Variants in ERC1 observed in about 807,000 individuals in gnomAD.
ERC1 encodes the protein RAB6 interacting protein 2.
Under a neutral mutation model 132.0 loss-of-function variants are expected in ERC1, and 56 were observed. The observed-to-expected ratio is 0.42, with a 90% CI of 0.34 to 0.53. The LOEUF (loss-of-function observed/expected upper bound fraction) is 0.53, where lower values mean the gene tolerates loss of function less well. Among genes scored for constraint, ERC1 ranks in the 20% least tolerant of loss-of-function variants. The pLI is 0.03. For missense variants in ERC1, 1,202 were observed against 1,349.9 expected, an observed-to-expected ratio of 0.89 and a Z score of 1.72; for synonymous variants, 478 against 476.1, an observed-to-expected ratio of 1.00 and a Z score of -0.05.
At chr12:1,202,670 AAG>A (rs1215850797) in intron 12 of ERC1, among the ~76,000 whole-genome samples, 2 of 152,116 alleles carry the variant, frequency 1.3e-5, no homozygotes, top group Non-Finnish European at 2.9e-5. Flanking sequence ...AGGAAAAAAA[AAG>A]AGTTGTAATT....
At chr12:1,487,535 C>A (rs530748951) in intron 18 of ERC1, among the ~76,000 whole-genome samples, 1 of 46,102 alleles carries the variant, frequency 2.2e-5, no homozygotes, top group Admixed American at 1.8e-4. Flanking sequence ...TTAGACCGCA[C>A]CTCTAAAAAA....
chr12:1,036,374 C>CTTT (rs759834824), intron 2 of ERC1, among the ~76,000 whole-genome samples: 2 of 136,192 alleles, frequency 1.5e-5, no homozygotes, highest in African/African-American at 2.7e-5. Flanking sequence ...ATTAAATAAA[C>CTTT]TTTTTTTTTT....
At chr12:1,105,402 G>GT in intron 4 of ERC1, among the ~76,000 whole-genome samples, 1 of 151,786 alleles carries the variant, frequency 6.6e-6, no homozygotes, top group East Asian at 1.9e-4. Flanking sequence ...CTGTCGCCTA[G>GT]GCTGGAGTGC....
At chr12:1,402,311 C>T (rs1054697008) in intron 16 of ERC1, among the ~76,000 whole-genome samples, 5 of 152,156 alleles carry the variant, frequency 3.3e-5, no homozygotes, top group African/African-American at 1.2e-4. Flanking sequence ...AGGTGGATCA[C>T]TTGAGGTCAG....
chr12:1,043,828 G>A (rs1474899649), intron 2 of ERC1, among the ~76,000 whole-genome samples: 1 of 117,910 alleles, frequency 8.5e-6, no homozygotes, highest in Non-Finnish European at 2.1e-5. Context: ...CACTTCAACA[G>A]CAACATTGCA....
chr12:1,182,062 A>G lies in ERC1; in HGVS notation c.2013A>G (p.Lys671=), dbSNP rs1181633665. The change falls in exon 10 of 19, where the codon AAA becomes AAG. Residue 671 remains lysine, a synonymous_variant. Coordinates refer to ENST00000360905, the MANE Select transcript of ERC1 (RefSeq NM_178040.4). Reference sequence around the variant, plus strand: ...TGTTGCAAGGCGACCTTTCAGAGAAAGAGGTTAAGCTCCCCAAAATGGAAT... The same window carrying G: ...TGTTGCAAGGCGACCTTTCAGAGAAGGAGGTTAAGCTCCCCAAAATGGAAT... ...VSLLQGDLSE[K]EASLLDLKEH... The G allele has an allele frequency of 6.2e-7, 1 of 1,613,924 alleles. No homozygotes were observed. Among genetic ancestry groups the G allele is most frequent in the Non-Finnish European group, 8.5e-7 (1 of 1,179,864 alleles).
chr12:1,431,551 C>T (rs1031920416), intron 17 of ERC1, among the ~76,000 whole-genome samples: 1 of 152,106 alleles, frequency 6.6e-6, no homozygotes, highest in African/African-American at 2.4e-5. Flanking sequence ...ATCACTTTTT[C>T]ATATTTAAAT....
At chr12:1,274,539 C>T (rs1163217126) in intron 14 of ERC1, among the ~76,000 whole-genome samples, 1 of 151,508 alleles carries the variant, frequency 6.6e-6, no homozygotes, top group Non-Finnish European at 1.5e-5. Flanking sequence ...GTTGCCCAGG[C>T]TGGAGTGCAG....
chr12:1,118,552 A>T (rs1255618983), intron 7 of ERC1, among the ~76,000 whole-genome samples: 1 of 152,258 alleles, frequency 6.6e-6, no homozygotes, highest in African/African-American at 2.4e-5. Flanking sequence ...GAACCATCTC[A>T]TCATAAAAGA....
chr12:1,211,188 G>A (rs2154290513), intron 12 of ERC1, among the ~76,000 whole-genome samples: 1 of 151,936 alleles, frequency 6.6e-6, no homozygotes, highest in Non-Finnish European at 1.5e-5. Context: ...CGCTCTTATT[G>A]CCCAGACTGG....
chr12:1,049,986 G>A (rs1013109993), intron 2 of ERC1, among the ~76,000 whole-genome samples: 4 of 151,886 alleles, frequency 2.6e-5, no homozygotes, highest in Non-Finnish European at 5.9e-5. Context: ...CAGGTGATCC[G>A]CCCGCCTCGG....
At chr12:1,079,212 C>G (rs1941838726) in intron 2 of ERC1, among the ~76,000 whole-genome samples, 1 of 148,820 alleles carries the variant, frequency 6.7e-6, no homozygotes. Flanking sequence ...TACAGAGATA[C>G]AGATAGAAAT....
intron 16 of ERC1, among the ~76,000 whole-genome samples, chr12:1,405,948 A>G (rs925219452): frequency 6.6e-6 from 1 of 152,204 alleles, no homozygotes; most frequent in Non-Finnish European, 1.5e-5. Flanking sequence ...ATACATATGT[A>G]TATATACACA....
At chr12:1,272,511 A>G (rs2077934923) in intron 14 of ERC1, among the ~76,000 whole-genome samples, 1 of 152,224 alleles carries the variant, frequency 6.6e-6, no homozygotes, top group Admixed American at 6.5e-5. Flanking sequence ...ATCAACTGAG[A>G]ATAACACAGT....
intron 2 of ERC1, among the ~76,000 whole-genome samples, chr12:1,033,604 C>T (rs1244648557): frequency 6.6e-6 from 1 of 152,048 alleles, no homozygotes; most frequent in Admixed American, 6.6e-5. Context: ...GCCAGGATTA[C>T]AGGCGTGTGC....
intron 8 of ERC1, among the ~76,000 whole-genome samples, chr12:1,174,182 C>G (rs372098997): frequency 2.0e-5 from 3 of 152,260 alleles, no homozygotes; most frequent in South Asian, 4.1e-4. Context: ...CCTCCCACCC[C>G]CTGCGTGTTT....
At chr12:1,478,800 G>A (rs28888129) in intron 18 of ERC1, among the ~76,000 whole-genome samples, 65,359 of 148,452 alleles carry the variant, frequency 0.44, 16,543 homozygotes, top group African/African-American at 0.71. Flanking sequence ...ATAAAAAAAA[G>A]AGAGAGAGAG....
At chr12:1,487,546 G>A (rs11609943) in intron 18 of ERC1, among the ~76,000 whole-genome samples, 2,929 of 60,858 alleles carry the variant, frequency 0.048, 96 homozygotes, top group Middle Eastern at 0.21. Context: ...CTCTAAAAAA[G>A]AAAAAGAAAA....
In ERC1 at chr12:1,208,482, G is replaced by T. The variant is rs961955326; in HGVS notation, c.2351+18430G>T. Among the ~76,000 whole-genome samples the T allele has an allele frequency of 9.2e-5, 14 of 152,170 alleles. 1 individual carries two copies. The highest frequency in any genetic ancestry group is 3.4e-4 in the African/African-American group (14 of 41,442). ...ACACCCCTGCTCTATATCTTGTTCTGTTATGTGTTTGTGACATCTAGAGAT... is the reference window on the plus strand; with the variant it reads ...ACACCCCTGCTCTATATCTTGTTCTTTTATGTGTTTGTGACATCTAGAGAT... On this transcript the variant is annotated intron_variant, in intron 12 of 18. Coordinates refer to ENST00000360905, the MANE Select transcript of ERC1 (RefSeq NM_178040.4).
Sources: gnomAD v4.1 joint callset for allele counts (sites outside exome capture counted in the v4.1 genomes callset) on GRCh38, gnomAD v4.1.1 for gene constraint, MANE v1.5 for transcripts, NCBI Gene and HGNC (gene_info 2026-07-23, HGNC 2026-07-21) for gene names.